The following PHYKPL variants were observed in gnomAD, a reference collection of about 807,000 sequenced individuals.
PHYKPL encodes 5-phosphonooxy-L-lysine phospho-lyase.
Under a neutral mutation model 51.3 loss-of-function variants are expected in PHYKPL, and 42 were observed. The observed-to-expected ratio is 0.82, with a 90% CI of 0.64 to 1.06. PHYKPL has a LOEUF of 1.06. Ranked by LOEUF, PHYKPL falls within the 50% of genes least tolerant of loss-of-function variation. PHYKPL has a pLI of 0.00. For synonymous variants in PHYKPL, 264 were observed against 236.0 expected, an observed-to-expected ratio of 1.12 and a Z score of -1.09; for missense variants, 655 against 586.6, an observed-to-expected ratio of 1.12 and a Z score of -1.20.
chr5:178,209,487 C>CCTA (rs1361937864), intron 12 of PHYKPL: 1 of 1,546,828 alleles, frequency 6.5e-7, no homozygotes, highest in African/African-American at 1.4e-5. Context: ...TGTTTCCCTG[C>CCTA]CTACATGGAG....
intron 8 of PHYKPL, among the ~76,000 whole-genome samples, chr5:178,218,081 G>T (rs1760260250): frequency 9.6e-6 from 1 of 104,118 alleles, no homozygotes; most frequent in Non-Finnish European, 1.9e-5. Context: ...GCCGGGCGTG[G>T]TAGCGGGCGC....
chr5:178,227,932 C>G (rs1762614066), intron 3 of PHYKPL, among the ~76,000 whole-genome samples: 1 of 152,102 alleles, frequency 6.6e-6, no homozygotes, highest in African/African-American at 2.4e-5. Context: ...CTGCCTGGAG[C>G]AGATATAGGT....
In PHYKPL at chr5:178,210,228, A is replaced by G. The variant is rs758451196; in HGVS notation, c.*32-1313T>C. On this transcript the variant is annotated intron_variant, in intron 12 of 12. Coordinates refer to ENST00000308158, the MANE Select transcript of PHYKPL (RefSeq NM_153373.4). Reference sequence around the variant, plus strand: ...GGGCCTGGCTATGGCGGCTACGACTACTCGCCCTATGGCTATTACGGCTAC... The same window carrying G: ...GGGCCTGGCTATGGCGGCTACGACTGCTCGCCCTATGGCTATTACGGCTAC... The G allele has an allele frequency of 1.2e-6, 2 of 1,613,186 alleles. No homozygotes were observed. Among genetic ancestry groups the G allele is most frequent in the Admixed American group, 1.7e-5 (1 of 59,966 alleles).
intron 8 of PHYKPL, among the ~76,000 whole-genome samples, chr5:178,220,452 G>A (rs1372549626): frequency 6.6e-6 from 1 of 151,976 alleles, no homozygotes; most frequent in Admixed American, 6.6e-5. Flanking sequence ...CCGAGATCGC[G>A]CCACAGCACT....
rs77837239 is a variant in PHYKPL at position 178,210,673 on chromosome 5, T to C, written c.*31+1217A>G. The C allele has an allele frequency of 3.8e-4, 532 of 1,394,276 alleles. 2 individuals are homozygous for C. In the African/African-American group the frequency reaches 6.5e-3, roughly 17 times the overall value. The allele number at this position is 1,394,276 out of a possible 1,614,324, so 86.4% of individuals were successfully genotyped here. On this transcript the variant is annotated intron_variant, in intron 12 of 12. Coordinates refer to ENST00000308158, the MANE Select transcript of PHYKPL (RefSeq NM_153373.4). ...ATCGCACACATGCTTTGTTTGGATA[T>C]GGAGTGAACACAATTATGTACCAAA... is the stretch of plus-strand genomic sequence containing the variant.
intron 4 of PHYKPL, chr5:178,225,084 G>A: frequency 1.8e-6 from 1 of 569,742 alleles, no homozygotes; most frequent in Non-Finnish European, 3.1e-6. Flanking sequence ...GCTACTGCTG[G>A]AGTAGTTTGA....
At chr5:178,223,413 AGGGT>A (rs1761610836) in intron 6 of PHYKPL, 1 of 456,220 alleles carries the variant, frequency 2.2e-6, no homozygotes, top group African/African-American at 2.0e-5. Context: ...CATGGCCACC[AGGGT>A]GATGATGCCT....
At chr5:178,214,707 A>G (rs1424545878) in intron 10 of PHYKPL, 89 bp downstream of exon 10, 9 of 1,201,318 alleles carry the variant, frequency 7.5e-6, no homozygotes, top group Non-Finnish European at 9.8e-6. Flanking sequence ...TGCTGGGGGT[A>G]CAGATGAGGC....
chr5:178,231,609 C>T, intron 1 of PHYKPL, 86 bp from the exon 2 acceptor site: 1 of 1,598,758 alleles, frequency 6.3e-7, no homozygotes, highest in Non-Finnish European at 8.5e-7. Flanking sequence ...CCCACCCCTT[C>T]CCAGTTTCTG....
intron 2 of PHYKPL, 82 bp downstream of exon 2, chr5:178,231,322 TC>T: frequency 6.2e-7 from 1 of 1,604,424 alleles, no homozygotes; most frequent in Non-Finnish European, 8.5e-7. Context: ...TCCACACCTC[TC>T]GGCAATCTCA....
intron 10 of PHYKPL, 126 bp downstream of exon 10, chr5:178,214,670 T>A (rs1759383805): frequency 1.2e-6 from 1 of 819,934 alleles, no homozygotes; most frequent in African/African-American, 1.7e-5. Context: ...GCCCCAGCCC[T>A]CTTTCAATCA....
intron 8 of PHYKPL, among the ~76,000 whole-genome samples, chr5:178,217,205 T>C (rs1166338201): frequency 1.3e-5 from 2 of 151,624 alleles, no homozygotes; most frequent in East Asian, 3.9e-4. Flanking sequence ...AAATGAAGCA[T>C]TTACTAGAGA....
In PHYKPL at chr5:178,225,213, G is replaced by C. The variant is rs1762048226; in HGVS notation, c.413+142C>G. On this transcript the variant is annotated intron_variant, in intron 4 of 12. Coordinates refer to ENST00000308158, the MANE Select transcript of PHYKPL (RefSeq NM_153373.4). ...AGAGCCTCTGGGAGGTCTCAGGCCT[G>C]GTCCTCTGCCTGCCACACTTGTCTT... 113 of 936,088 alleles carry C rather than the reference G, an allele frequency of 1.2e-4. 1 individual carries two copies. The South Asian group carries it at 1.8e-3, about 15-fold the overall frequency. 58.0% of individuals were successfully genotyped at this position (936,088 alleles called of 1,614,324 possible).
intron 6 of PHYKPL, chr5:178,223,902 C>G: frequency 5.2e-6 from 1 of 190,598 alleles, no homozygotes; most frequent in South Asian, 9.3e-5. Flanking sequence ...TTCACGGTCA[C>G]CTGACCTCAA....
At chr5:178,211,511 A>C (rs555623196) in intron 12 of PHYKPL, 12 of 200,358 alleles carry the variant, frequency 6.0e-5, no homozygotes, top group African/African-American at 2.6e-4. Context: ...GGCCGTCTGA[A>C]TTGGGGCACA....
intron 2 of PHYKPL, chr5:178,230,327 C>A (rs10055074): frequency 1.6e-5 from 9 of 545,746 alleles, no homozygotes; most frequent in Admixed American, 3.1e-5. Flanking sequence ...GCAGAAGAAC[C>A]CTGTCTAGAA....
intron 9 of PHYKPL, among the ~76,000 whole-genome samples, 178 bp from the exon 10 acceptor site, chr5:178,215,063 AGAG>A (rs987510949): frequency 6.6e-6 from 1 of 152,182 alleles, no homozygotes; most frequent in Non-Finnish European, 1.5e-5. Context: ...TGGTGTGGAC[AGAG>A]GAGAGAGGCT....
chr5:178,213,123 C>A lies in PHYKPL; in HGVS notation c.1173-20G>T. 1.2e-6 allele frequency: 2 copies of A among 1,612,936 alleles called. No homozygotes were observed. Among genetic ancestry groups the A allele is most frequent in the East Asian group, 2.2e-5 (1 of 44,866 alleles). On this transcript the variant is annotated intron_variant, in intron 10 of 12. Coordinates refer to ENST00000308158, the MANE Select transcript of PHYKPL (RefSeq NM_153373.4). ...TTCAGCCTGTGAGGACAGGACACCC[C>A]TTCACATGGCCTTCAAGGCCTTCCT...
rs1405412905 is a variant in PHYKPL, at chr5:178,230,022, G to T, written c.256C>A (p.His86Asn). The T allele has an allele frequency of 6.2e-7, 1 of 1,614,118 alleles. No individual in the cohort carries two copies. Among genetic ancestry groups the T allele is most frequent in the Non-Finnish European group, 8.5e-7 (1 of 1,180,050 alleles). Residue 86 changes from histidine (H) to asparagine (N), a missense_variant, in exon 3 of 13, where the codon CAT (histidine) becomes AAT (asparagine). Transcript: ENST00000308158. Reference protein sequence around the residue: ...QVLNTNSRYLHDNIVDYAQRL... With the variant: ...QVLNTNSRYLNDNIVDYAQRL... ...TGCGCATAGTCCACGATGTTGTCAT[G>T]CAGGTACCGGCTGTTGGTGTTGAGC... is the stretch of plus-strand genomic sequence containing the variant.
Sources: gnomAD v4.1 joint callset for allele counts (sites outside exome capture counted in the v4.1 genomes callset) on GRCh38, gnomAD v4.1.1 for gene constraint, MANE v1.5 for transcripts, NCBI Gene and HGNC (gene_info 2026-07-23, HGNC 2026-07-21) for gene names.